FGF14: variants seen among roughly 807,000 people sequenced by gnomAD.
The protein encoded by FGF14 is fibroblast growth factor homologous factor 4.
Under a neutral mutation model 25.5 loss-of-function variants are expected in FGF14, and 5 were observed. The observed-to-expected ratio is 0.20, with a 90% CI of 0.10 to 0.41. FGF14 has a LOEUF of 0.41. Among genes scored for constraint, FGF14 ranks in the 10% least tolerant of loss-of-function variants. FGF14 has a pLI of 1.00. For synonymous variants in FGF14, 138 were observed against 118.3 expected (o/e 1.17, Z -1.08); for missense variants, 222 against 320.1 (o/e 0.69, Z 2.34).
At chr13:102,128,273 T>C (rs2140397687) in intron 1 of FGF14, among the ~76,000 whole-genome samples, 1 of 131,982 alleles carries the variant, frequency 7.6e-6, no homozygotes, top group East Asian at 1.9e-4. Flanking sequence ...GCTCAGTAGC[T>C]GTCGGCTAAT....
chr13:102,063,762 A>G (rs1310226525), intron 1 of FGF14, among the ~76,000 whole-genome samples: 1 of 152,220 alleles, frequency 6.6e-6, no homozygotes, highest in African/African-American at 2.4e-5. Flanking sequence ...AGATTTTCAA[A>G]TATTATAAAA....
At chr13:101,909,327 T>G (rs1241744348) in intron 1 of FGF14, among the ~76,000 whole-genome samples, 1 of 152,104 alleles carries the variant, frequency 6.6e-6, no homozygotes, top group African/African-American at 2.4e-5. Context: ...GGAGAAAATT[T>G]TTGCAATCTA....
chr13:102,336,406 T>A (rs2056788473), intron 1 of FGF14, among the ~76,000 whole-genome samples: 1 of 152,162 alleles, frequency 6.6e-6, no homozygotes, highest in Non-Finnish European at 1.5e-5. Flanking sequence ...TCAGTTCTAT[T>A]AAGTCTGAGA....
At position 101,717,865 on chromosome 13, in the gene FGF14, T is replaced by C. The variant is rs1437238123; in HGVS notation, c.*4966A>G. 1 of 152,144 alleles carries C rather than the reference T, an allele frequency of 6.6e-6. No individual in the cohort carries two copies. The highest frequency in any genetic ancestry group is 2.4e-5 in the African/African-American group (1 of 41,440). The allele number at this position is 152,144 out of a possible 1,614,324, so 9.4% of individuals were successfully genotyped here. On this transcript the variant is annotated 3_prime_UTR_variant, in exon 5 of 5. Transcript: ENST00000376143. ...AACCTCAGGTATGTCTTATTTTTCT[T>C]ATAATCCTCTGTATGTTATTATCCT...
At chr13:102,155,506 C>A (rs954970579) in intron 1 of FGF14, among the ~76,000 whole-genome samples, 2 of 152,108 alleles carry the variant, frequency 1.3e-5, no homozygotes, top group African/African-American at 4.8e-5. Context: ...GGGACACATT[C>A]AAAGGAGTGT....
At chr13:102,149,249 A>T (rs1432313194) in intron 1 of FGF14, among the ~76,000 whole-genome samples, 1 of 152,050 alleles carries the variant, frequency 6.6e-6, no homozygotes, top group African/African-American at 2.4e-5. Context: ...TGGAACACTC[A>T]TTGATATAAA....
intron 1 of FGF14, among the ~76,000 whole-genome samples, chr13:102,029,859 C>T (rs76477580): frequency 0.045 from 6,850 of 152,136 alleles, 496 homozygotes; most frequent in African/African-American, 0.16. Flanking sequence ...TTATTTAACA[C>T]ATCTTGTGTC....
At chr13:102,361,322 C>T (rs1194873829) in intron 1 of FGF14, among the ~76,000 whole-genome samples, 2 of 152,116 alleles carry the variant, frequency 1.3e-5, no homozygotes, top group African/African-American at 4.8e-5. Context: ...TGAAGGACAT[C>T]AAGTTGGAAA....
chr13:102,034,572 G>A (rs1184440138), intron 1 of FGF14, among the ~76,000 whole-genome samples: 3 of 152,088 alleles, frequency 2.0e-5, no homozygotes, highest in African/African-American at 4.8e-5. Flanking sequence ...GTAATGAGGT[G>A]CCAAAACATC....
intron 1 of FGF14, among the ~76,000 whole-genome samples, chr13:102,081,230 C>T (rs1174612206): frequency 6.6e-6 from 1 of 152,222 alleles, no homozygotes; most frequent in Non-Finnish European, 1.5e-5. Flanking sequence ...AAAGCATAAT[C>T]CTTAAACCAA....
At chr13:101,964,323 T>A (rs1483181977) in intron 1 of FGF14, among the ~76,000 whole-genome samples, 1 of 152,214 alleles carries the variant, frequency 6.6e-6, no homozygotes, top group East Asian at 1.9e-4. Flanking sequence ...TTTATACTAA[T>A]AAATGTGTAT....
At chr13:101,909,932 G>A (rs2032717968) in intron 1 of FGF14, among the ~76,000 whole-genome samples, 1 of 152,152 alleles carries the variant, frequency 6.6e-6, no homozygotes, top group African/African-American at 2.4e-5. Flanking sequence ...ATGAGTTAAT[G>A]TCCTTTGTAG....
intron 1 of FGF14, among the ~76,000 whole-genome samples, chr13:101,993,154 C>T (rs2038994883): frequency 6.7e-6 from 1 of 148,750 alleles, no homozygotes; most frequent in Non-Finnish European, 1.5e-5. Context: ...ATCACACACT[C>T]AAAGAGAAAG....
chr13:102,231,758 G>A lies in FGF14; in HGVS notation c.208+169713C>T, dbSNP rs1180401207. 2.6e-5 allele frequency among the ~76,000 whole-genome samples: 4 copies of A among 152,134 alleles called. No homozygotes were observed. In the East Asian group the frequency reaches 7.7e-4, roughly 29 times the overall value. On this transcript the variant is annotated intron_variant, in intron 1 of 4. Coordinates refer to the FGF14 transcript ENST00000376131. The stretch of plus-strand genomic sequence containing the variant: ...GAGGACAGTCTGAATTCAGATAACT[G>A]ACTCCACCTCTTTCTGGCTGAAACA...
intron 3 of FGF14, among the ~76,000 whole-genome samples, chr13:101,794,409 G>T (rs2040407177): frequency 6.6e-6 from 1 of 152,060 alleles, no homozygotes; most frequent in Non-Finnish European, 1.5e-5. Flanking sequence ...GATCAGAAGG[G>T]ACTGAGATAA....
intron 1 of FGF14, among the ~76,000 whole-genome samples, chr13:101,895,250 A>G (rs757424592): frequency 2.0e-5 from 3 of 152,144 alleles, no homozygotes; most frequent in Non-Finnish European, 4.4e-5. Context: ...AAGGTATATT[A>G]AGTAACATTT....
At chr13:102,390,742 C>G (rs2058413023) in intron 1 of FGF14, among the ~76,000 whole-genome samples, 1 of 152,064 alleles carries the variant, frequency 6.6e-6, no homozygotes, top group Non-Finnish European at 1.5e-5. Context: ...TAGTTGTTAT[C>G]AACTAATAAT....
intron 3 of FGF14, among the ~76,000 whole-genome samples, chr13:101,814,989 C>G (rs949423807): frequency 2.9e-5 from 4 of 136,408 alleles, no homozygotes; most frequent in African/African-American, 1.0e-4. Context: ...TATTAGTACC[C>G]CTGATGGTCA....
At chr13:102,223,537 T>C (rs1384428179) in intron 1 of FGF14, among the ~76,000 whole-genome samples, 1 of 152,188 alleles carries the variant, frequency 6.6e-6, no homozygotes, top group Non-Finnish European at 1.5e-5. Context: ...TATTCTGCTT[T>C]TTTCCTCTGC....
Sources: allele counts gnomAD v4.1 joint callset (sites outside exome capture counted in the v4.1 genomes callset), GRCh38; gene constraint gnomAD v4.1.1; transcripts MANE v1.5; gene names NCBI Gene and HGNC (gene_info 2026-07-23, HGNC 2026-07-21).